Variants in ARHGAP15 observed in about 807,000 individuals in gnomAD.
The protein encoded by ARHGAP15 is rho GTPase-activating protein 15.
Under a neutral mutation model 63.7 loss-of-function variants are expected in ARHGAP15, and 51 were observed. The observed-to-expected ratio is 0.80, with a 90% CI of 0.64 to 1.01. The LOEUF (loss-of-function observed/expected upper bound fraction) is 1.01, where lower values mean the gene tolerates loss of function less well. Among genes scored for constraint, ARHGAP15 ranks in the 50% least tolerant of loss-of-function variants. ARHGAP15 has a pLI of 0.00. For missense variants in ARHGAP15, 560 were observed against 564.6 expected (o/e 0.99, Z 0.08); for synonymous variants, 191 against 193.8 (o/e 0.99, Z 0.12).
intron 6 of ARHGAP15, among the ~76,000 whole-genome samples, chr2:143,397,745 C>A (rs1687834123): frequency 6.6e-6 from 1 of 152,058 alleles, no homozygotes; most frequent in African/African-American, 2.4e-5. Flanking sequence ...TGGATGTCAC[C>A]AACATCATTA....
chr2:143,514,214 C>G (rs1045345703), intron 9 of ARHGAP15, among the ~76,000 whole-genome samples: 1 of 152,050 alleles, frequency 6.6e-6, no homozygotes. Flanking sequence ...TGGCTTATAA[C>G]CTGCATGAAA....
intron 11 of ARHGAP15, among the ~76,000 whole-genome samples, chr2:143,574,529 G>A (rs117816933): frequency 3.6e-4 from 54 of 152,016 alleles, no homozygotes; most frequent in Admixed American, 1.6e-3. Flanking sequence ...AAATATGAGC[G>A]TCTTCTTGAA....
intron 2 of ARHGAP15, among the ~76,000 whole-genome samples, chr2:143,171,487 G>T (rs1690779181): frequency 6.6e-6 from 1 of 152,114 alleles, no homozygotes; most frequent in Non-Finnish European, 1.5e-5. Context: ...TATTGCTAAA[G>T]ATGGAGCTGG....
chr2:143,330,110 A>AT (rs1684455506), intron 6 of ARHGAP15, among the ~76,000 whole-genome samples: 1 of 86,162 alleles, frequency 1.2e-5, no homozygotes, highest in African/African-American at 4.4e-5. Context: ...AAAAAAAAAA[A>AT]AAAAAAAAAA....
At chr2:143,196,363 A>G (rs1253240190) in intron 2 of ARHGAP15, among the ~76,000 whole-genome samples, 1 of 152,098 alleles carries the variant, frequency 6.6e-6, no homozygotes, top group African/African-American at 2.4e-5. Flanking sequence ...GTGATAATTC[A>G]ATAGGAAATA....
chr2:143,512,354 C>T (rs1418632966), intron 9 of ARHGAP15, among the ~76,000 whole-genome samples: 2 of 152,194 alleles, frequency 1.3e-5, no homozygotes, highest in Non-Finnish European at 2.9e-5. Context: ...AGATAAAATG[C>T]ATATTCGTCA....
At chr2:143,334,114 C>A (rs1297512737) in intron 6 of ARHGAP15, among the ~76,000 whole-genome samples, 1 of 152,030 alleles carries the variant, frequency 6.6e-6, no homozygotes, top group Non-Finnish European at 1.5e-5. Context: ...TTGAAGCTTC[C>A]CCTTGTACAT....
chr2:143,286,392 C>A (rs993662682), intron 6 of ARHGAP15, among the ~76,000 whole-genome samples: 2 of 152,146 alleles, frequency 1.3e-5, no homozygotes, highest in African/African-American at 4.8e-5. Context: ...ACATAAAATA[C>A]ATGAGAACAA....
At chr2:143,633,667 T>G (rs546262902) in intron 12 of ARHGAP15, among the ~76,000 whole-genome samples, 31 of 152,164 alleles carry the variant, frequency 2.0e-4, no homozygotes, top group Non-Finnish European at 3.4e-4. Flanking sequence ...TGAATAGACC[T>G]GCTTTTAAAA....
intron 11 of ARHGAP15, among the ~76,000 whole-genome samples, chr2:143,620,418 C>T (rs773209867): frequency 6.6e-6 from 1 of 152,162 alleles, no homozygotes; most frequent in African/African-American, 2.4e-5. Flanking sequence ...GTGCCTTCTA[C>T]AAGTCTGTAA....
intron 6 of ARHGAP15, among the ~76,000 whole-genome samples, chr2:143,329,499 A>AC (rs35319722): frequency 0.13 from 19,155 of 152,040 alleles, 1,589 homozygotes; most frequent in Non-Finnish European, 0.16. Context: ...TTGAAAGAGG[A>AC]CCCCAAAGCC....
chr2:143,191,492 A>G (rs560675036), intron 2 of ARHGAP15, among the ~76,000 whole-genome samples: 2 of 152,360 alleles, frequency 1.3e-5, no homozygotes, highest in African/African-American at 2.4e-5. Flanking sequence ...AGTGTTATAC[A>G]CTATGCTAAG....
At chr2:143,487,126 T>A (rs1223848310) in intron 8 of ARHGAP15, among the ~76,000 whole-genome samples, 1 of 152,170 alleles carries the variant, frequency 6.6e-6, no homozygotes. Flanking sequence ...TATAAGGAAA[T>A]GAAAGTGAAA....
chr2:143,397,146 C>T (rs936071580), intron 6 of ARHGAP15, among the ~76,000 whole-genome samples: 2 of 152,112 alleles, frequency 1.3e-5, no homozygotes, highest in Non-Finnish European at 2.9e-5. Flanking sequence ...GATCCAGATT[C>T]ATGGCAAGAG....
At chr2:143,498,676 A>AC (rs1036558145) in intron 9 of ARHGAP15, among the ~76,000 whole-genome samples, 2 of 151,642 alleles carry the variant, frequency 1.3e-5, no homozygotes, top group African/African-American at 2.4e-5. Context: ...CAGAGCTCCC[A>AC]CCCCCCAAAA....
At chr2:143,608,557 T>A (rs1305156696) in intron 11 of ARHGAP15, 1 of 152,186 alleles carries the variant, frequency 6.6e-6, no homozygotes, top group African/African-American at 2.4e-5. Flanking sequence ...CACACGGAAA[T>A]TACTAACTAA....
At chr2:143,179,828 G>T (rs1408719432) in intron 2 of ARHGAP15, among the ~76,000 whole-genome samples, 1 of 150,806 alleles carries the variant, frequency 6.6e-6, no homozygotes, top group East Asian at 2.0e-4. Context: ...GAAGGTGGAG[G>T]TTGCAGTAAG....
intron 6 of ARHGAP15, among the ~76,000 whole-genome samples, chr2:143,396,146 A>G (rs923051830): frequency 1.3e-5 from 2 of 152,152 alleles, no homozygotes; most frequent in Non-Finnish European, 2.9e-5. Context: ...AAGATACTTT[A>G]CTGATGTTCT....
chr2:143,310,304 G>GT (rs1486013368), intron 6 of ARHGAP15, among the ~76,000 whole-genome samples: 3 of 151,984 alleles, frequency 2.0e-5, no homozygotes, highest in African/African-American at 7.2e-5. Context: ...CAAGAAAGAT[G>GT]TTATACTATT....
Sources: allele counts gnomAD v4.1 joint callset (sites outside exome capture counted in the v4.1 genomes callset), GRCh38; gene constraint gnomAD v4.1.1; transcripts MANE v1.5; gene names NCBI Gene and HGNC (gene_info 2026-07-23, HGNC 2026-07-21).